GABRA3: variants seen among roughly 807,000 people sequenced by gnomAD.
The protein encoded by GABRA3 is gamma-aminobutyric acid type A receptor subunit alpha3, also known as gamma-aminobutyric acid receptor subunit alpha-3.
A neutral mutation model predicts 30.1 loss-of-function variants in GABRA3; 10 were observed. That is an observed-to-expected ratio of 0.33 (90% CI 0.20 to 0.56). GABRA3 has a LOEUF of 0.56. Among genes scored for constraint, GABRA3 ranks in the 20% least tolerant of loss-of-function variants. The pLI, the probability that GABRA3 is intolerant of heterozygous loss-of-function variation, is 0.89. For missense variants in GABRA3, 233 were observed against 392.0 expected (o/e 0.59, Z 3.42); for synonymous variants, 151 against 146.8 (o/e 1.03, Z -0.21).
At chrX:152,422,355 G>GA (rs1470237231) in intron 1 of GABRA3, among the ~76,000 whole-genome samples, 2 of 110,955 alleles carry the variant, frequency 1.8e-5, no homozygotes, top group African/African-American at 6.5e-5. Context: ...AAAAACAAGT[G>GA]AAACTACTAT....
chrX:152,185,602 G>A (rs770809910), intron 9 of GABRA3, among the ~76,000 whole-genome samples: 29 of 111,456 alleles, frequency 2.6e-4, no homozygotes, highest in African/African-American at 7.5e-4. Context: ...TCCCCCTGAG[G>A]CATTTGTCCC....
intron 3 of GABRA3, 104 bp downstream of exon 3, chrX:152,345,477 C>A: frequency 2.2e-6 from 2 of 892,501 alleles, no homozygotes; most frequent in Non-Finnish European, 3.1e-6. Flanking sequence ...TTACACTAAT[C>A]TCATTGGCCA....
intron 1 of GABRA3, among the ~76,000 whole-genome samples, chrX:152,421,871 T>C (rs1401367275): frequency 1.8e-5 from 2 of 111,095 alleles, no homozygotes; most frequent in Non-Finnish European, 3.8e-5. Context: ...CATATTATAA[T>C]ATCTAAAATT....
chrX:152,212,452 G>A (rs759415736), intron 6 of GABRA3, among the ~76,000 whole-genome samples: 17 of 109,927 alleles, frequency 1.5e-4, no homozygotes, highest in African/African-American at 4.3e-4. Context: ...GAATACGCAC[G>A]TGTGTACATA....
chrX:152,261,074 G>A (rs11094563), intron 4 of GABRA3, among the ~76,000 whole-genome samples: 24,673 of 110,531 alleles, frequency 0.22, 2,714 homozygotes, highest in African/African-American at 0.43. Flanking sequence ...TGCCAGGCAA[G>A]AGGGGGAAAA....
At chrX:152,358,976 A>T (rs1940592685) in intron 2 of GABRA3, among the ~76,000 whole-genome samples, 1 of 111,356 alleles carries the variant, frequency 9.0e-6, no homozygotes, top group Non-Finnish European at 1.9e-5. Flanking sequence ...CATTTTATTG[A>T]GGATTTTTGC....
chrX:152,181,724 T>A, intron 9 of GABRA3, among the ~76,000 whole-genome samples: 1 of 109,883 alleles, frequency 9.1e-6, no homozygotes, highest in East Asian at 2.9e-4. Context: ...TAATGCTAAA[T>A]GACGAGTTAA....
chrX:152,410,017 T>G (rs760903791), intron 1 of GABRA3, among the ~76,000 whole-genome samples: 1 of 112,169 alleles, frequency 8.9e-6, no homozygotes, highest in Admixed American at 9.4e-5. Context: ...TACAATGAAA[T>G]ATTATTTGTC....
At chrX:152,400,350 A>G (rs1929762728) in intron 1 of GABRA3, among the ~76,000 whole-genome samples, 1 of 109,171 alleles carries the variant, frequency 9.2e-6, no homozygotes, top group Non-Finnish European at 1.9e-5. Flanking sequence ...AAATAAATAA[A>G]TAAATAAAAT....
At chrX:152,352,277 T>C (rs1051744170) in intron 2 of GABRA3, among the ~76,000 whole-genome samples, 1 of 111,651 alleles carries the variant, frequency 9.0e-6, no homozygotes, top group Non-Finnish European at 1.9e-5. Context: ...TCCATATATG[T>C]AAAATGGGGA....
rs983238481 is a variant in GABRA3, at chrX:152,168,191, G to A, written c.*37C>T. 2.7e-5 allele frequency: 30 copies of A among 1,122,634 alleles called. No homozygotes were observed. The highest frequency in any genetic ancestry group is 3.7e-5 in the Non-Finnish European group (30 of 819,298). 92.5% of individuals were successfully genotyped at this position (1,122,634 alleles called of 1,213,427 possible). ...TTTGGGTGCCTGGATGCTTCACGGG[G>A]TATACAGTGCTCTGGTTGCTGCACT... On this transcript the variant is annotated 3_prime_UTR_variant, in exon 10 of 10. Transcript: ENST00000370314.
At chrX:152,182,247 G>A (rs1026131815) in intron 9 of GABRA3, among the ~76,000 whole-genome samples, 4 of 105,208 alleles carry the variant, frequency 3.8e-5, no homozygotes, top group African/African-American at 6.9e-5. Context: ...TGGTCAAGAT[G>A]AGTATTTTTT....
chrX:152,270,206 G>C (rs1011950227), intron 4 of GABRA3, among the ~76,000 whole-genome samples: 2 of 111,328 alleles, frequency 1.8e-5, no homozygotes, highest in Non-Finnish European at 3.8e-5. Flanking sequence ...CCCTCATGCT[G>C]TTCTTGTCAT....
intron 7 of GABRA3, among the ~76,000 whole-genome samples, chrX:152,199,297 C>T (rs778983055): frequency 1.2e-4 from 12 of 103,685 alleles, no homozygotes; most frequent in South Asian, 4.3e-4. Context: ...ACCCAGGAGG[C>T]GGAGCTGGCA....
intron 3 of GABRA3, among the ~76,000 whole-genome samples, chrX:152,322,259 T>C (rs1939975530): frequency 8.9e-6 from 1 of 112,212 alleles, no homozygotes; most frequent in African/African-American, 3.2e-5. Flanking sequence ...ATTGTATGAT[T>C]TCATCTATAC....
intron 4 of GABRA3, among the ~76,000 whole-genome samples, chrX:152,264,533 A>G (rs1054440442): frequency 1.8e-5 from 2 of 111,425 alleles, no homozygotes; most frequent in African/African-American, 6.5e-5. Context: ...TCATATCATC[A>G]GAGAAAATCA....
At chrX:152,212,279 T>C (rs1937636700) in intron 6 of GABRA3, among the ~76,000 whole-genome samples, 1 of 49,686 alleles carries the variant, frequency 2.0e-5, no homozygotes, top group African/African-American at 9.1e-5. Context: ...GCAAGGCCTT[T>C]GTCTCAAAAA....
At chrX:152,446,636 CAA>C (rs1356189436) in intron 1 of GABRA3, among the ~76,000 whole-genome samples, 1 of 110,342 alleles carries the variant, frequency 9.1e-6, no homozygotes, top group Non-Finnish European at 1.9e-5. Flanking sequence ...CAATGACTCT[CAA>C]ATCACTCTCT....
chrX:152,318,549 T>C (rs1281854856), intron 3 of GABRA3, among the ~76,000 whole-genome samples: 1 of 111,338 alleles, frequency 9.0e-6, no homozygotes, highest in African/African-American at 3.3e-5. Flanking sequence ...CCAATATCCA[T>C]GATGAACATA....
Sources: allele counts gnomAD v4.1 joint callset (sites outside exome capture counted in the v4.1 genomes callset), GRCh38; gene constraint gnomAD v4.1.1; transcripts MANE v1.5; gene names NCBI Gene and HGNC (gene_info 2026-07-23, HGNC 2026-07-21).